The following CREBRF variants were observed in gnomAD, a reference collection of about 807,000 sequenced individuals.
CREBRF encodes UPF0474 protein C5orf41.
In CREBRF, 5 loss-of-function variants were observed where a neutral mutation model predicts 66.1. That is an observed-to-expected ratio of 0.08 (90% CI 0.04 to 0.16). CREBRF has a LOEUF of 0.16. Among genes scored for constraint, CREBRF ranks in the 10% least tolerant of loss-of-function variants. The pLI is 1.00. For synonymous variants in CREBRF, 229 were observed against 264.4 expected (o/e 0.87, Z 1.30); for missense variants, 531 against 744.9 (o/e 0.71, Z 3.34).
chr5:173,091,083 C>A lies in CREBRF; in HGVS notation c.904C>A (p.Pro302Thr). Residue 302 changes from proline to threonine, a missense_variant, in exon 4 of 9, where the codon CCC becomes ACC. Coordinates refer to ENST00000296953, the MANE Select transcript of CREBRF (RefSeq NM_153607.3). ...FKETQELLLS[P>T]LPQEGPGSLA... ...AGAAACCCAGGAACTATTACTAAGT[C>A]CCCTGCCCCAGGAAGGTCCTGGGTC... is the stretch of plus-strand genomic sequence containing the variant. 1 of 1,614,206 alleles carries A rather than the reference C, an allele frequency of 6.2e-7. No individual in the cohort carries two copies. Among genetic ancestry groups the A allele is most frequent in the Non-Finnish European group, 8.5e-7 (1 of 1,180,032 alleles).
chr5:173,082,837 G>A (rs568855407), intron 2 of CREBRF, among the ~76,000 whole-genome samples: 11 of 140,998 alleles, frequency 7.8e-5, no homozygotes, highest in Middle Eastern at 4.2e-3. Flanking sequence ...TGAACCCTGC[G>A]GGGGGAGGTT....
At chr5:173,108,219 T>C (rs1293590606) in intron 4 of CREBRF, among the ~76,000 whole-genome samples, 3 of 152,126 alleles carry the variant, frequency 2.0e-5, no homozygotes, top group Non-Finnish European at 4.4e-5. Context: ...ATGTTTCAGA[T>C]ACAAATATTA....
In CREBRF at chr5:173,133,762, A is replaced by G. The variant is rs745453793; in HGVS notation, c.*17A>G. On this transcript the variant is annotated 3_prime_UTR_variant, in exon 9 of 9. Transcript: ENST00000296953. ...AAGGTGTAATCAGCCTCATTGGACCACTGGTCAGAAATGTCTGCGTTTTGT... is the reference window on the plus strand; with the variant it reads ...AAGGTGTAATCAGCCTCATTGGACCGCTGGTCAGAAATGTCTGCGTTTTGT... 7 of 1,346,808 alleles carry G rather than the reference A, an allele frequency of 5.2e-6. No individual in the cohort carries two copies. In the Admixed American group the frequency reaches 1.1e-4, roughly 21 times the overall value. 83.4% of individuals were successfully genotyped at this position (1,346,808 alleles called of 1,614,324 possible).
chr5:173,075,643 A>G (rs979990328), intron 1 of CREBRF, among the ~76,000 whole-genome samples: 6 of 152,116 alleles, frequency 3.9e-5, no homozygotes, highest in Non-Finnish European at 8.8e-5. Flanking sequence ...CTTGCCAAAC[A>G]AGGGAGTCAC....
At chr5:173,087,030 T>G (rs1350752231) in intron 3 of CREBRF, among the ~76,000 whole-genome samples, 3 of 149,224 alleles carry the variant, frequency 2.0e-5, no homozygotes, top group Non-Finnish European at 4.4e-5. Flanking sequence ...CACTGCAACC[T>G]CCATCTCCTG....
rs555145942 is a variant in CREBRF at position 173,138,608 on chromosome 5, G to T, written c.*4863G>T. 3 of 152,196 alleles carry T rather than the reference G, an allele frequency of 2.0e-5. No homozygotes were observed. 9.4% of individuals were successfully genotyped at this position (152,196 alleles called of 1,614,324 possible). ...TGCCAAGTTTGGGTGAACTAGGTTC[G>T]GTTTGCCTCTTTCATAACAATGTAA... is the stretch of plus-strand genomic sequence containing the variant. On this transcript the variant is annotated 3_prime_UTR_variant, in exon 9 of 9. Transcript: ENST00000296953.
intron 1 of CREBRF, among the ~76,000 whole-genome samples, chr5:173,058,071 G>T (rs1377701932): frequency 1.3e-5 from 2 of 151,666 alleles, no homozygotes; most frequent in Admixed American, 1.3e-4. Flanking sequence ...ACAAGACTTG[G>T]GTGTAAATCT....
chr5:173,108,845 T>C lies in CREBRF; in HGVS notation c.1417+27T>C, dbSNP rs1294540190. The C allele has an allele frequency of 1.9e-6, 3 of 1,589,750 alleles. No individual in the cohort carries two copies. The East Asian group carries it at 6.7e-5, about 36-fold the overall frequency. ...TAAGAGGGGATTGCAGTCAGATATTTAGTGTCACTTTAATCAAGTTGAGCT... is the reference window on the plus strand; with the variant it reads ...TAAGAGGGGATTGCAGTCAGATATTCAGTGTCACTTTAATCAAGTTGAGCT... On this transcript the variant is annotated intron_variant, in intron 5 of 8. Coordinates refer to ENST00000296953, the MANE Select transcript of CREBRF (RefSeq NM_153607.3).
intron 1 of CREBRF, among the ~76,000 whole-genome samples, chr5:173,064,727 G>C (rs1757382810): frequency 6.6e-6 from 1 of 152,130 alleles, no homozygotes; most frequent in Admixed American, 6.6e-5. Context: ...ACCATGCCCA[G>C]CTAATTTTGT....
chr5:173,090,689 T>C lies in CREBRF; in HGVS notation c.510T>C (p.Ser170=). ...LFSVKQNPLP[S]SFPGKKITSR... Reference sequence around the variant, plus strand: ...GTGTCAAACAAAATCCCTTACCCTCTTCATTCCCTGGTAAAAAGATCACAA... The same window carrying C: ...GTGTCAAACAAAATCCCTTACCCTCCTCATTCCCTGGTAAAAAGATCACAA... The change falls in exon 4 of 9, where the codon TCT becomes TCC. Residue 170 remains serine, a synonymous_variant. Coordinates refer to ENST00000296953, the MANE Select transcript of CREBRF (RefSeq NM_153607.3). This position sits in a 1 kb window ranked among gnomAD's most constrained non-coding sequence, Gnocchi z 4.5. 1 of 1,614,146 alleles carries C rather than the reference T, an allele frequency of 6.2e-7. No homozygotes were observed. Among genetic ancestry groups the C allele is most frequent in the Non-Finnish European group, 8.5e-7 (1 of 1,180,016 alleles).
chr5:173,107,802 C>G (rs1255919583), intron 4 of CREBRF, among the ~76,000 whole-genome samples: 1 of 151,146 alleles, frequency 6.6e-6, no homozygotes, highest in Non-Finnish European at 1.5e-5. Context: ...ATAGTGAGAC[C>G]TCTGTCTCTA....
Position 173,112,303 on chromosome 5 carries a change from C to T in CREBRF, c.1608-3C>T. 1.3e-6 allele frequency: 2 copies of T among 1,582,332 alleles called. No homozygotes were observed. Among genetic ancestry groups the T allele is most frequent in the Non-Finnish European group, 1.7e-6 (2 of 1,165,980 alleles). ...GTGAACTAACTGCTCCTTCCTTTCA[C>T]AGAGCTTGTCGGTTAAAGAAGAAAG... is the stretch of plus-strand genomic sequence containing the variant. On this transcript the variant is annotated splice_polypyrimidine_tract_variant and splice_region_variant and intron_variant, in intron 6 of 8. Coordinates refer to ENST00000296953, the MANE Select transcript of CREBRF (RefSeq NM_153607.3).
At chr5:173,089,281 C>T (rs941870022) in intron 3 of CREBRF, among the ~76,000 whole-genome samples, 1 of 151,136 alleles carries the variant, frequency 6.6e-6, no homozygotes, top group African/African-American at 2.4e-5. Context: ...AGACTCAAAA[C>T]GTCCTCATTT....
At chr5:173,109,778 C>T (rs558701370) in intron 5 of CREBRF, 2 of 152,354 alleles carry the variant, frequency 1.3e-5, no homozygotes, top group Admixed American at 1.3e-4. Flanking sequence ...TCTCATTTTC[C>T]TTTTCCACTA....
intron 2 of CREBRF, among the ~76,000 whole-genome samples, chr5:173,083,284 A>G (rs775930634): frequency 6.6e-6 from 1 of 152,088 alleles, no homozygotes; most frequent in Non-Finnish European, 1.5e-5. Context: ...TTAGATTTCA[A>G]ATTGAGGCCT....
chr5:173,083,869 A>G (rs1049468178), intron 2 of CREBRF, among the ~76,000 whole-genome samples: 10 of 152,182 alleles, frequency 6.6e-5, no homozygotes, highest in African/African-American at 2.4e-4. Flanking sequence ...TTTGACAGGG[A>G]AAACATTTTT....
chr5:173,119,851 A>C (rs1044374723), intron 7 of CREBRF, among the ~76,000 whole-genome samples: 1 of 152,134 alleles, frequency 6.6e-6, no homozygotes, highest in Non-Finnish European at 1.5e-5. Context: ...TGGAACAATC[A>C]TGTATTGTTC....
chr5:173,060,794 C>T (rs1365042753), intron 1 of CREBRF, among the ~76,000 whole-genome samples: 2 of 151,596 alleles, frequency 1.3e-5, no homozygotes, highest in East Asian at 3.9e-4. Context: ...GTCTCTGCCA[C>T]AACTACTCAA....
At chr5:173,059,431 A>C (rs251249) in intron 1 of CREBRF, among the ~76,000 whole-genome samples, 73,566 of 150,974 alleles carry the variant, frequency 0.49, 19,017 homozygotes, top group Non-Finnish European at 0.58. Context: ...CGCCCGGCTA[A>C]TTTTGTATTT....
Sources: allele counts gnomAD v4.1 joint callset (sites outside exome capture counted in the v4.1 genomes callset), GRCh38; gene constraint gnomAD v4.1.1; non-coding constraint Gnocchi (gnomAD v3.1); transcripts MANE v1.5; gene names NCBI Gene and HGNC (gene_info 2026-07-23, HGNC 2026-07-21).